Variants in PDGFD observed in about 807,000 individuals in gnomAD.
PDGFD encodes the protein platelet-derived growth factor D.
PDGFD carries 30 observed loss-of-function variants against 44.7 expected under a neutral mutation model. The observed-to-expected ratio is 0.67, with a 90% confidence interval of 0.50 to 0.91. The LOEUF is 0.91. PDGFD is among the 40% of genes least tolerant of loss of function. The probability of loss-of-function intolerance (pLI) is 0.00; values close to 1 mark genes in which losing one functional copy is unlikely to be tolerated. For synonymous variants in PDGFD, 173 were observed against 168.4 expected (o/e 1.03, Z -0.21); for missense variants, 445 against 457.8 (o/e 0.97, Z 0.25).
intron 1 of PDGFD, among the ~76,000 whole-genome samples, chr11:104,084,660 T>C (rs1323591013): frequency 6.8e-6 from 1 of 146,742 alleles, no homozygotes; most frequent in Non-Finnish European, 1.5e-5. Context: ...AATTTTGTAA[T>C]TATATAAATT....
intron 2 of PDGFD, among the ~76,000 whole-genome samples, chr11:103,999,557 T>C: frequency 6.6e-6 from 1 of 152,104 alleles, no homozygotes; most frequent in East Asian, 1.9e-4. Flanking sequence ...TCTGAGGCCT[T>C]AACACTATGA....
chr11:103,955,871 T>A (rs1858836194), intron 3 of PDGFD, among the ~76,000 whole-genome samples: 2 of 152,236 alleles, frequency 1.3e-5, no homozygotes, highest in East Asian at 1.9e-4. Flanking sequence ...TTTATAACAT[T>A]TTCATTTATC....
chr11:104,063,353 A>G (rs1449018690), intron 1 of PDGFD, among the ~76,000 whole-genome samples: 2 of 150,296 alleles, frequency 1.3e-5, no homozygotes, highest in African/African-American at 4.9e-5. Context: ...GAGAGAGAGA[A>G]TTTACTTTGA....
intron 1 of PDGFD, among the ~76,000 whole-genome samples, chr11:104,082,901 G>A (rs1448986381): frequency 6.6e-6 from 1 of 152,126 alleles, no homozygotes; most frequent in Non-Finnish European, 1.5e-5. Context: ...TTACAGGCAT[G>A]AGCCCCTACT....
At chr11:104,082,633 T>G (rs1217377048) in intron 1 of PDGFD, among the ~76,000 whole-genome samples, 1 of 151,992 alleles carries the variant, frequency 6.6e-6, no homozygotes, top group Non-Finnish European at 1.5e-5. Flanking sequence ...AATTTGTTTT[T>G]TTTTGTTTTG....
At chr11:104,028,573 TTA>T (rs1442022453) in intron 1 of PDGFD, among the ~76,000 whole-genome samples, 59 of 151,438 alleles carry the variant, frequency 3.9e-4, no homozygotes, top group Non-Finnish European at 2.9e-5. Flanking sequence ...CTTCATTTTT[TTA>T]TGTCAGTTGA....
rs374546940 is a variant in PDGFD, at chr11:104,128,599, C to T, written c.124+35205G>A. ...TCAAAAACAATGAATAAAATATATT[C>T]GCTATAAAAAATACTGATTCAGAAG... On this transcript the variant is annotated intron_variant, in intron 1 of 6. Coordinates refer to ENST00000393158, the MANE Select transcript of PDGFD (RefSeq NM_025208.5). Among the ~76,000 whole-genome samples, 27 of 152,132 alleles carry T rather than the reference C, an allele frequency of 1.8e-4. 1 individual carries two copies. The East Asian group carries it at 3.5e-3, about 20-fold the overall frequency.
chr11:103,996,489 C>T (rs956937648), intron 2 of PDGFD, among the ~76,000 whole-genome samples: 13 of 152,124 alleles, frequency 8.5e-5, no homozygotes, highest in African/African-American at 3.1e-4. Flanking sequence ...CCTAAATCTT[C>T]AATAATCAAA....
At chr11:104,037,931 C>G in intron 1 of PDGFD, 1 of 1,614,102 alleles carries the variant, frequency 6.2e-7, no homozygotes, top group South Asian at 1.1e-5. Flanking sequence ...CCCTTATGCT[C>G]TAGGATGGTA....
intron 3 of PDGFD, among the ~76,000 whole-genome samples, chr11:103,958,895 C>T (rs1858895384): frequency 6.6e-6 from 1 of 152,162 alleles, no homozygotes; most frequent in Non-Finnish European, 1.5e-5. Context: ...AAATCATTAT[C>T]TCTAAAAACT....
At chr11:103,955,396 A>T (rs776241689) in intron 3 of PDGFD, among the ~76,000 whole-genome samples, 13 of 152,008 alleles carry the variant, frequency 8.6e-5, no homozygotes, top group Non-Finnish European at 1.5e-4. Flanking sequence ...TCAGTACCTG[A>T]TTTTCTGGCA....
chr11:103,976,382 T>A (rs535489726), intron 3 of PDGFD, among the ~76,000 whole-genome samples: 2 of 152,342 alleles, frequency 1.3e-5, no homozygotes, highest in South Asian at 4.1e-4. Flanking sequence ...TGATTTTGTA[T>A]CCTGAGACTT....
intron 1 of PDGFD, among the ~76,000 whole-genome samples, chr11:104,031,585 C>T (rs1860126622): frequency 1.3e-5 from 2 of 151,998 alleles, no homozygotes; most frequent in South Asian, 2.1e-4. Context: ...GGCAATGTGG[C>T]GATTCCTCAA....
At chr11:103,930,291 A>T (rs1238514805) in intron 5 of PDGFD, among the ~76,000 whole-genome samples, 1 of 152,158 alleles carries the variant, frequency 6.6e-6, no homozygotes, top group East Asian at 1.9e-4. Context: ...GTGCAGCCTA[A>T]TCACAGAGGT....
chr11:103,927,088 T>G lies in PDGFD; in HGVS notation c.811A>C (p.Ser271Arg), dbSNP rs755849936. 15 of 1,614,030 alleles carry G rather than the reference T, an allele frequency of 9.3e-6. No homozygotes were observed. The East Asian group carries it at 2.9e-4, about 31-fold the overall frequency. The stretch of plus-strand genomic sequence containing the variant: ...ACCGAGTAATTCCTGGGAGTGCAAC[T>G]GTAACGCTTGGCATCATCATTGAGC... ...DRLNDDAKRY[S>R]CTPRNYSVNI... The change falls in exon 6 of 7, where the codon AGT becomes CGT. Residue 271 changes from serine (S) to arginine (R), a missense_variant. Transcript: ENST00000393158.
At chr11:104,081,483 TC>T (rs1861044568) in intron 1 of PDGFD, among the ~76,000 whole-genome samples, 2 of 152,300 alleles carry the variant, frequency 1.3e-5, no homozygotes, top group African/African-American at 4.8e-5. Context: ...AAGCTATTTT[TC>T]TTTCACCAAG....
rs200479431 is a variant in PDGFD, at chr11:104,032,200, AT to A, written c.125-31946del. Among the ~76,000 whole-genome samples the A allele has an allele frequency of 8.5e-3, 1,297 of 152,286 alleles. 24 individuals are homozygous for A. Among genetic ancestry groups the A allele is most frequent in the African/African-American group, 0.029 (1,216 of 41,550 alleles). On this transcript the variant is annotated intron_variant, in intron 1 of 6. Coordinates refer to ENST00000393158, the MANE Select transcript of PDGFD (RefSeq NM_025208.5). ...GATATATACAACAACAACAACAAAA[AT>A]AATGAATAAATAAATAAATAAATAA...
At chr11:104,081,918 T>C (rs893397175) in intron 1 of PDGFD, among the ~76,000 whole-genome samples, 6 of 152,006 alleles carry the variant, frequency 3.9e-5, no homozygotes, top group African/African-American at 1.5e-4. Context: ...TATAAAACAT[T>C]TGTATTTTTA....
intron 1 of PDGFD, among the ~76,000 whole-genome samples, chr11:104,030,161 A>T (rs1472886016): frequency 6.6e-6 from 1 of 152,246 alleles, no homozygotes; most frequent in Non-Finnish European, 1.5e-5. Context: ...TTTTAAAGAC[A>T]TCTCATTATG....
Sources: gnomAD v4.1 joint callset for allele counts (sites outside exome capture counted in the v4.1 genomes callset) on GRCh38, gnomAD v4.1.1 for gene constraint, MANE v1.5 for transcripts, NCBI Gene and HGNC (gene_info 2026-07-23, HGNC 2026-07-21) for gene names.